Variants in TSPAN9 observed in about 807,000 individuals in gnomAD.
TSPAN9 encodes tetraspanin 9.
In TSPAN9, 16 loss-of-function variants were observed where a neutral mutation model predicts 31.0. The observed-to-expected ratio is 0.52, with a 90% confidence interval of 0.35 to 0.78. The LOEUF is 0.78. Among genes scored for constraint, TSPAN9 ranks in the 30% least tolerant of loss-of-function variants. The pLI is 0.01. For missense variants in TSPAN9, 272 were observed against 312.5 expected, an observed-to-expected ratio of 0.87 and a Z score of 0.98; for synonymous variants, 145 against 121.6, an observed-to-expected ratio of 1.19 and a Z score of -1.27.
intron 3 of TSPAN9, among the ~76,000 whole-genome samples, chr12:3,212,772 A>AG (rs1390335910): frequency 1.3e-5 from 2 of 152,132 alleles, no homozygotes; most frequent in Non-Finnish European, 2.9e-5. Context: ...TTGCCTAGCA[A>AG]GGGGGGCCTA....
chr12:3,221,781 A>G (rs2098384724), intron 3 of TSPAN9, among the ~76,000 whole-genome samples: 1 of 152,194 alleles, frequency 6.6e-6, no homozygotes, highest in African/African-American at 2.4e-5. Context: ...TCAGTCTCCT[A>G]AGTAGCTGGG....
In TSPAN9 at chr12:3,172,281, CT is replaced by C. The variant is rs949517375; in HGVS notation, c.-17-28895del. Reference sequence around the variant, plus strand: ...GGGGAGCGAGGGATGCAGATTGGTCCTGGTGCAGGCGGCCCTCTCTGTCTTG... The same window carrying C: ...GGGGAGCGAGGGATGCAGATTGGTCCGGTGCAGGCGGCCCTCTCTGTCTTG... On this transcript the variant is annotated intron_variant, in intron 2 of 8. Coordinates refer to ENST00000011898, the MANE Select transcript of TSPAN9 (RefSeq NM_006675.5). This position sits in a 1 kb window ranked among gnomAD's most constrained non-coding sequence, Gnocchi z 4.8. The C allele has an allele frequency of 2.6e-5, 4 of 152,364 alleles. No homozygotes were observed. The highest frequency in any genetic ancestry group is 9.6e-5 in the African/African-American group (4 of 41,462). The allele number at this position is 152,364 out of a possible 1,614,324, so 9.4% of individuals were successfully genotyped here. A position where few individuals can be genotyped will look rare whatever the true frequency, so the allele number is the denominator to read the frequency against.
intron 3 of TSPAN9, among the ~76,000 whole-genome samples, chr12:3,230,877 G>A (rs1039978099): frequency 6.6e-6 from 1 of 152,046 alleles, no homozygotes; most frequent in Non-Finnish European, 1.5e-5. Flanking sequence ...GACTCCCTGG[G>A]GCCTCCTTGA....
At chr12:3,207,961 T>C (rs1052398631) in intron 3 of TSPAN9, among the ~76,000 whole-genome samples, 3 of 152,250 alleles carry the variant, frequency 2.0e-5, no homozygotes, top group African/African-American at 4.8e-5. Context: ...AAGGTATTCC[T>C]TTAACCTCTT....
chr12:3,079,236 C>T (rs1311181325), intron 1 of TSPAN9, among the ~76,000 whole-genome samples: 2 of 152,202 alleles, frequency 1.3e-5, no homozygotes, highest in African/African-American at 4.8e-5. Flanking sequence ...GCCTTGGCCT[C>T]CCACAGTGCT....
At chr12:3,087,735 G>A (rs1247340789) in intron 2 of TSPAN9, among the ~76,000 whole-genome samples, 1 of 152,164 alleles carries the variant, frequency 6.6e-6, no homozygotes, top group Non-Finnish European at 1.5e-5. Flanking sequence ...GAATCTGGGA[G>A]GCGGAGGTTG....
chr12:3,099,115 T>TCCTTA (rs2098310593), intron 2 of TSPAN9, among the ~76,000 whole-genome samples: 1 of 152,188 alleles, frequency 6.6e-6, no homozygotes, highest in Admixed American at 6.5e-5. Context: ...GTTGTTTAAG[T>TCCTTA]ATTTTTCCAT....
intron 2 of TSPAN9, among the ~76,000 whole-genome samples, chr12:3,146,655 C>T (rs1403807827): frequency 2.0e-5 from 3 of 151,994 alleles, no homozygotes; most frequent in South Asian, 2.1e-4. Flanking sequence ...CCTCCACTCT[C>T]CTCCTCTTTC....
chr12:3,220,874 A>G (rs377395024), intron 3 of TSPAN9, among the ~76,000 whole-genome samples: 11 of 152,018 alleles, frequency 7.2e-5, no homozygotes, highest in Non-Finnish European at 1.3e-4. Flanking sequence ...TAGACCTTGG[A>G]TGAGGAACAC....
At chr12:3,229,997 CAA>C (rs929277318) in intron 3 of TSPAN9, among the ~76,000 whole-genome samples, 7 of 152,230 alleles carry the variant, frequency 4.6e-5, no homozygotes, top group Admixed American at 1.3e-4. Flanking sequence ...CATCAAGAGA[CAA>C]GAGCACAACG....
chr12:3,186,503 A>G lies in TSPAN9; in HGVS notation c.-17-14674A>G, dbSNP rs572804986. Among the ~76,000 whole-genome samples the G allele has an allele frequency of 3.9e-4, 60 of 152,158 alleles. No homozygotes were observed. The South Asian group carries it at 0.012, about 31-fold the overall frequency. ...GTCTCCAATGTAAGAAACAGCACAGAGGACAATGTCGCTGGAGTGGAGTGA... is the reference window on the plus strand; with the variant it reads ...GTCTCCAATGTAAGAAACAGCACAGGGGACAATGTCGCTGGAGTGGAGTGA... On this transcript the variant is annotated intron_variant, in intron 2 of 8. Transcript: ENST00000011898.
In TSPAN9 at chr12:3,087,438, C is replaced by T. The variant is rs539902633; in HGVS notation, c.-18+3719C>T. Among the ~76,000 whole-genome samples the T allele has an allele frequency of 9.9e-5, 15 of 150,874 alleles. No individual in the cohort carries two copies. In the South Asian group the frequency reaches 3.0e-3, roughly 30 times the overall value. On this transcript the variant is annotated intron_variant, in intron 2 of 8. Transcript: ENST00000011898. ...CTGAGGCAGGAGGATTGCTTAAGCC[C>T]AGAAAGTTGAGGCTGTAGTGAGCCA...
intron 3 of TSPAN9, among the ~76,000 whole-genome samples, chr12:3,221,585 C>T (rs1385148735): frequency 6.6e-6 from 1 of 152,148 alleles, no homozygotes; most frequent in Non-Finnish European, 1.5e-5. Context: ...TCTTGAACTC[C>T]TGACCTCAGG....
intron 3 of TSPAN9, among the ~76,000 whole-genome samples, chr12:3,271,728 A>G (rs1862681959): frequency 6.6e-6 from 1 of 152,090 alleles, no homozygotes; most frequent in South Asian, 2.1e-4. Context: ...GCAGAATTGG[A>G]GGCATCGTCT....
intron 2 of TSPAN9, among the ~76,000 whole-genome samples, chr12:3,159,587 C>T (rs2098343966): frequency 6.6e-6 from 1 of 152,064 alleles, no homozygotes; most frequent in Non-Finnish European, 1.5e-5. Flanking sequence ...ATATTAGGGG[C>T]CTGGCACCAT....
chr12:3,197,563 A>G (rs1224636802), intron 2 of TSPAN9, among the ~76,000 whole-genome samples: 1 of 151,826 alleles, frequency 6.6e-6, no homozygotes, highest in Non-Finnish European at 1.5e-5. Flanking sequence ...GGGGAGCTGC[A>G]CTCAGAATGG....
intron 3 of TSPAN9, among the ~76,000 whole-genome samples, chr12:3,226,767 TATATATATATATATATATATATATATA>T (rs1347829233): frequency 0.17 from 541 of 3,274 alleles, 104 homozygotes; most frequent in African/African-American, 0.28. Context: ...TATATATATA[TATATATATATATATATATATATATATA>T]TTTTTTTTTT....
intron 2 of TSPAN9, among the ~76,000 whole-genome samples, chr12:3,191,078 C>T (rs775205517): frequency 4.0e-5 from 6 of 149,592 alleles, no homozygotes; most frequent in Admixed American, 6.7e-5. Flanking sequence ...GTTAGCCATT[C>T]GGGGTGTGGG....
intron 2 of TSPAN9, among the ~76,000 whole-genome samples, chr12:3,121,533 C>CGTTTTTTTTTTTTTT (rs1426241959): frequency 1.1e-5 from 1 of 92,926 alleles, no homozygotes; most frequent in African/African-American, 4.3e-5. Flanking sequence ...CTAATTAAAA[C>CGTTTTTTTTTTTTTT]TTTTTTTTTT....
Sources: gnomAD v4.1 joint callset for allele counts (sites outside exome capture counted in the v4.1 genomes callset) on GRCh38, gnomAD v4.1.1 for gene constraint, Gnocchi (gnomAD v3.1) non-coding constraint, MANE v1.5 for transcripts, NCBI Gene and HGNC (gene_info 2026-07-23, HGNC 2026-07-21) for gene names.